The following CCDC14 variants were observed in gnomAD, a reference collection of about 807,000 sequenced individuals.
CCDC14 encodes the protein coiled-coil domain-containing protein 14.
Under a neutral mutation model 81.4 loss-of-function variants are expected in CCDC14, and 71 were observed. The ratio of observed to expected loss-of-function variants is 0.87; its 90% CI spans 0.72 to 1.06. The LOEUF (loss-of-function observed/expected upper bound fraction) is 1.06. Ranked by LOEUF, CCDC14 falls within the 50% of genes least tolerant of loss-of-function variation. CCDC14 has a pLI of 0.00. For synonymous variants in CCDC14, 332 were observed against 364.8 expected (o/e 0.91, Z 1.03); for missense variants, 1,046 against 1,047.3 (o/e 1.00, Z 0.02).
chr3:123,887,047 T>C, the CCDC14 span, among the ~76,000 whole-genome samples: 1 of 152,174 alleles, frequency 6.6e-6, no homozygotes, highest in Non-Finnish European at 1.5e-5. Flanking sequence ...AATAATAATC[T>C]CAGAATAACA....
In CCDC14 at chr3:123,915,084, C is replaced by T. The variant is rs766160635; in HGVS notation, c.2413G>A (p.Asp805Asn). ...EKLSRASDMKDTQLLKKIKEA... is the reference protein window; with the variant it reads ...EKLSRASDMKNTQLLKKIKEA... ...TTTATTTTCTTGAGGAGCTGTGTGT[C>T]CTTCATATCAGATGCTCTGGAAAGT... Residue 805 changes from aspartate to asparagine, a missense_variant, in exon 13 of 13, where the codon GAC becomes AAC. By Grantham distance (23) the Asp-to-Asn change is conservative (BLOSUM62 1). Coordinates refer to ENST00000409697, the MANE Select transcript of CCDC14 (RefSeq NM_001366335.1). 9.2e-5 allele frequency: 148 copies of T among 1,613,830 alleles called. No homozygotes were observed. The highest frequency in any genetic ancestry group is 1.5e-4 in the Admixed American group (9 of 59,992).
chr3:123,928,333 T>TAA lies in CCDC14; in HGVS notation c.1778+2767_1778+2768dup, dbSNP rs36006823. On this transcript the variant is annotated intron_variant, in intron 12 of 12. Coordinates refer to ENST00000409697, the MANE Select transcript of CCDC14 (RefSeq NM_001366335.1). ...TAACATGGTGAAACCCAGTCTCTAC[T>TAA]AAAAAAAAAAAAAAAAAAAAAAAAT... is the stretch of plus-strand genomic sequence containing the variant. Among the ~76,000 whole-genome samples, 381 of 76,346 alleles carry TAA rather than the reference T, an allele frequency of 5.0e-3. 11 individuals carry two copies. The highest frequency in any genetic ancestry group is 0.023 in the South Asian group (36 of 1,590). 50.1% of individuals were successfully genotyped at this position (76,346 alleles called of 152,430 possible).
At chr3:123,908,840 C>T (rs148529847), downstream of CCDC14, among the ~76,000 whole-genome samples, 87 of 151,980 alleles carry the variant, frequency 5.7e-4, no homozygotes, top group African/African-American at 1.9e-3. Flanking sequence ...TTCACTGCTC[C>T]GAATTGTGAA....
intron 5 of CCDC14, 111 bp downstream of exon 5, chr3:123,955,732 C>A: frequency 1.0e-6 from 1 of 989,890 alleles, no homozygotes; most frequent in South Asian, 2.2e-5. Context: ...CACACATAAA[C>A]CTAACTAATA....
intron 5 of CCDC14, among the ~76,000 whole-genome samples, chr3:123,952,315 A>T (rs1208683717): frequency 1.3e-5 from 2 of 152,172 alleles, no homozygotes; most frequent in Non-Finnish European, 2.9e-5. Context: ...TGCCTACTAT[A>T]ATTTGAAATA....
intron 9 of CCDC14, among the ~76,000 whole-genome samples, chr3:123,940,675 T>G (rs978210869): frequency 1.5e-4 from 23 of 152,062 alleles, no homozygotes; most frequent in Admixed American, 3.9e-4. Flanking sequence ...TACCACTTAC[T>G]TATATGCTGG....
At chr3:123,895,756 G>A (rs1484636571), downstream of CCDC14, among the ~76,000 whole-genome samples, 2 of 152,280 alleles carry the variant, frequency 1.3e-5, no homozygotes, top group East Asian at 1.9e-4. Context: ...TGTTCTAAAG[G>A]CTAATTATTT....
chr3:123,931,185 T>C lies in CCDC14; in HGVS notation c.1695A>G (p.Glu565=). 1 of 1,612,928 alleles carries C rather than the reference T, an allele frequency of 6.2e-7. No individual in the cohort carries two copies. Among genetic ancestry groups the C allele is most frequent in the Non-Finnish European group, 8.5e-7 (1 of 1,179,638 alleles). ...ATATCTGGTTTTCCTTTTCAGCAGT[T>C]TCTAACTTAAACTGGGAGCTTTTCA... ...VNVKSSQFKL[E]TAEKENQILG... The change falls in exon 12 of 13, where the codon GAA becomes GAG. Residue 565 remains glutamate, a synonymous_variant. Transcript: ENST00000409697.
At chr3:123,949,176 A>C (rs1274291021) in intron 5 of CCDC14, 44 bp from the exon 6 acceptor site, 2 of 1,258,138 alleles carry the variant, frequency 1.6e-6, no homozygotes, top group Non-Finnish European at 2.3e-6. Flanking sequence ...TGATTCTTCA[A>C]AAACTTTTAC....
intron 5 of CCDC14, among the ~76,000 whole-genome samples, chr3:123,904,868 A>G (rs930031722): frequency 4.6e-5 from 7 of 152,200 alleles, no homozygotes; most frequent in African/African-American, 1.7e-4. Flanking sequence ...TCCTTCACAC[A>G]GAAGAGTAAA....
chr3:123,885,953 C>A, the CCDC14 span, among the ~76,000 whole-genome samples: 2 of 151,852 alleles, frequency 1.3e-5, no homozygotes, highest in Admixed American at 1.3e-4. Context: ...AAAAAATTAC[C>A]CAGTTTTCAA....
chr3:123,926,436 G>C (rs2035365487), intron 12 of CCDC14, among the ~76,000 whole-genome samples: 1 of 151,076 alleles, frequency 6.6e-6, no homozygotes, highest in African/African-American at 2.4e-5. Context: ...GTTCTTTCTA[G>C]GCTACTTACA....
chr3:123,926,067 T>C (rs2035343557), intron 12 of CCDC14, among the ~76,000 whole-genome samples: 1 of 152,158 alleles, frequency 6.6e-6, no homozygotes, highest in African/African-American at 2.4e-5. Context: ...TTTTTGTTTA[T>C]TTTCAGTAAA....
chr3:123,931,591 C>T, intron 10 of CCDC14, 65 bp from the exon 11 acceptor site: 3 of 678,110 alleles, frequency 4.4e-6, no homozygotes, highest in Non-Finnish European at 4.2e-6. Context: ...TTGGAAAATA[C>T]CTGTTTCTTA....
At chr3:123,894,205 C>G (rs1415530534), downstream of CCDC14, among the ~76,000 whole-genome samples, 1 of 152,126 alleles carries the variant, frequency 6.6e-6, no homozygotes, top group African/African-American at 2.4e-5. Flanking sequence ...TTTTCCACCA[C>G]CATTTGTTGA....
At chr3:123,903,290 T>A (rs1158627693) in intron 5 of CCDC14, among the ~76,000 whole-genome samples, 3 of 135,688 alleles carry the variant, frequency 2.2e-5, no homozygotes, top group African/African-American at 9.3e-5. Context: ...AAAAGTATTA[T>A]TTTTCAAACA....
chr3:123,902,228 T>C (rs996667583), intron 5 of CCDC14, among the ~76,000 whole-genome samples: 1 of 152,224 alleles, frequency 6.6e-6, no homozygotes, highest in Non-Finnish European at 1.5e-5. Context: ...ATATGAACTA[T>C]ACCATTGGGT....
At chr3:123,945,616 CT>C (rs1672313564) in intron 8 of CCDC14, among the ~76,000 whole-genome samples, 1 of 152,034 alleles carries the variant, frequency 6.6e-6, no homozygotes, top group Non-Finnish European at 1.5e-5. Context: ...GATATTAATT[CT>C]TTTGCCTTTT....
chr3:123,958,142 A>G (rs531273154), intron 1 of CCDC14: 1 of 152,258 alleles, frequency 6.6e-6, no homozygotes, highest in South Asian at 2.1e-4. Context: ...AAGACCTTGT[A>G]TAACATCACA....
Sources: gnomAD v4.1 joint callset for allele counts (sites outside exome capture counted in the v4.1 genomes callset) on GRCh38, gnomAD v4.1.1 for gene constraint, MANE v1.5 for transcripts, NCBI Gene and HGNC (gene_info 2026-07-23, HGNC 2026-07-21) for gene names.